The following YTHDC2 variants were observed in gnomAD, a reference collection of about 807,000 sequenced individuals.
The protein encoded by YTHDC2 is 3'-5' RNA helicase YTHDC2.
A neutral mutation model predicts 174.9 loss-of-function variants in YTHDC2; 45 were observed. The ratio of observed to expected loss-of-function variants is 0.26; its 90% CI spans 0.20 to 0.33. YTHDC2 has a LOEUF of 0.33. Ranked by LOEUF, YTHDC2 falls within the 10% of genes least tolerant of loss-of-function variation. The probability of loss-of-function intolerance (pLI) is 1.00; values close to 1 mark genes in which losing one functional copy is unlikely to be tolerated. For synonymous variants in YTHDC2, 657 were observed against 574.5 expected, an observed-to-expected ratio of 1.14 and a Z score of -2.05; for missense variants, 1,650 against 1,723.7, an observed-to-expected ratio of 0.96 and a Z score of 0.76.
Position 113,542,321 on chromosome 5 carries a change from A to C in YTHDC2, c.1360-47A>C, listed in dbSNP as rs1580532624. ...GCCATCTTATGTTCTTTGCAAGCAA[A>C]TGTTAGGTAATTTATGATAATTTAT... On this transcript the variant is annotated intron_variant, in intron 9 of 29. Transcript: ENST00000161863. 10 of 1,590,188 alleles carry C rather than the reference A, an allele frequency of 6.3e-6. No homozygotes were observed. The East Asian group carries it at 2.2e-4, about 36-fold the overall frequency.
chr5:113,557,616 A>G (rs182407287), intron 17 of YTHDC2, among the ~76,000 whole-genome samples: 205 of 152,272 alleles, frequency 1.3e-3, no homozygotes, highest in South Asian at 3.1e-3. Flanking sequence ...CATCATAGTG[A>G]GACCTTGTCT....
At chr5:113,560,528 C>G (rs779361865) in intron 17 of YTHDC2, among the ~76,000 whole-genome samples, 1 of 152,104 alleles carries the variant, frequency 6.6e-6, no homozygotes, top group African/African-American at 2.4e-5. Context: ...ATTTCTATAT[C>G]TCTATCCCTA....
rs774886334 is a variant in YTHDC2 at position 113,592,070 on chromosome 5, A to G, written c.4104A>G (p.Val1368=). 1.6e-5 allele frequency: 26 copies of G among 1,612,984 alleles called. No individual in the cohort carries two copies. In the African/African-American group the frequency reaches 3.5e-4, roughly 22 times the overall value. Residue 1368 remains valine (V), a synonymous_variant, in exon 28 of 30, where the codon GTA becomes GTG. Coordinates refer to ENST00000161863, the MANE Select transcript of YTHDC2 (RefSeq NM_022828.5). ...QDWGSAGLGG[V]FKVEWIRKES... ...GGGGCTCTGCTGGACTAGGAGGAGTATTTAAGGTGGAGTGGATACGAAAAG... is the reference window on the plus strand; with the variant it reads ...GGGGCTCTGCTGGACTAGGAGGAGTGTTTAAGGTGGAGTGGATACGAAAAG...
intron 1 of YTHDC2, chr5:113,514,366 G>T: frequency 1.6e-6 from 1 of 641,432 alleles, no homozygotes; most frequent in Non-Finnish European, 2.9e-6. Context: ...GGGCGGTTAA[G>T]CCACCGTGTT....
At chr5:113,548,819 GT>G in intron 11 of YTHDC2, 135 bp from the exon 12 acceptor site, 1 of 1,135,242 alleles carries the variant, frequency 8.8e-7, no homozygotes, top group South Asian at 2.3e-5. Context: ...TGAATGACTT[GT>G]TTTTTAACTA....
In YTHDC2 at chr5:113,563,867, T is replaced by C. The variant is rs768843221; in HGVS notation, c.2451T>C (p.Asp817=). Reference sequence around the variant, plus strand: ...TGTCTCCTTTTACTTAGACAATAGATGCAATGGATACATGGGAAGATCTGA... The same window carrying C: ...TGTCTCCTTTTACTTAGACAATAGACGCAATGGATACATGGGAAGATCTGA... The part of the protein sequence containing the change: ...RNAVQMLKTI[D]AMDTWEDLTE... The change falls in exon 20 of 30, where the codon GAT becomes GAC. Residue 817 remains aspartate (D), a synonymous_variant. Coordinates refer to ENST00000161863, the MANE Select transcript of YTHDC2 (RefSeq NM_022828.5). 1.7e-5 allele frequency: 27 copies of C among 1,614,062 alleles called. No individual in the cohort carries two copies. The highest frequency in any genetic ancestry group is 2.1e-5 in the Non-Finnish European group (25 of 1,180,034).
intron 4 of YTHDC2, among the ~76,000 whole-genome samples, chr5:113,529,647 CTGTT>C (rs1443121545): frequency 6.6e-6 from 1 of 151,896 alleles, no homozygotes; most frequent in Non-Finnish European, 1.5e-5. Flanking sequence ...TGCCTCTTAT[CTGTT>C]TATCTTCTAT....
chr5:113,530,272 T>C (rs1228591606), intron 4 of YTHDC2, among the ~76,000 whole-genome samples: 3 of 152,198 alleles, frequency 2.0e-5, no homozygotes, highest in African/African-American at 7.2e-5. Context: ...CCCTACCCAA[T>C]TTAAGAGGCT....
At chr5:113,530,840 T>TA (rs1005821064) in intron 4 of YTHDC2, among the ~76,000 whole-genome samples, 16 of 152,050 alleles carry the variant, frequency 1.1e-4, no homozygotes, top group Admixed American at 3.3e-4. Context: ...GTAAAGAACT[T>TA]AAAAAAAACA....
At chr5:113,551,930 A>G (rs1776276613) in intron 12 of YTHDC2, among the ~76,000 whole-genome samples, 1 of 152,164 alleles carries the variant, frequency 6.6e-6, no homozygotes, top group Admixed American at 6.6e-5. Flanking sequence ...TTTTACATAT[A>G]AGATGAAGAA....
chr5:113,517,327 G>A (rs1434104617), intron 2 of YTHDC2, among the ~76,000 whole-genome samples: 1 of 152,178 alleles, frequency 6.6e-6, no homozygotes, highest in Non-Finnish European at 1.5e-5. Context: ...TTGGGCCTGT[G>A]CTTGGAAACA....
chr5:113,540,498 A>T (rs373096917), intron 8 of YTHDC2, among the ~76,000 whole-genome samples: 4 of 152,312 alleles, frequency 2.6e-5, no homozygotes, highest in African/African-American at 9.6e-5. Context: ...ATGGCTGGGG[A>T]GGCCTCAGGA....
chr5:113,557,946 G>A (rs1561670643), intron 17 of YTHDC2, among the ~76,000 whole-genome samples: 1 of 152,218 alleles, frequency 6.6e-6, no homozygotes. Flanking sequence ...TAGCCTGATA[G>A]GTAAAGCTGG....
intron 7 of YTHDC2, among the ~76,000 whole-genome samples, chr5:113,538,804 A>G (rs934643424): frequency 7.2e-5 from 11 of 152,128 alleles, no homozygotes; most frequent in African/African-American, 2.2e-4. Flanking sequence ...TCCTCTTACA[A>G]TTTCTACTTA....
intron 23 of YTHDC2, among the ~76,000 whole-genome samples, chr5:113,577,659 C>T (rs13359652): frequency 0.34 from 51,109 of 152,046 alleles, 11,105 homozygotes; most frequent in African/African-American, 0.6. Context: ...CGTGAGCCAC[C>T]GCACCTGGCC....
chr5:113,585,380 G>A (rs754717668), intron 26 of YTHDC2, among the ~76,000 whole-genome samples: 5 of 152,176 alleles, frequency 3.3e-5, no homozygotes, highest in African/African-American at 9.6e-5. Context: ...GTATTTTGGC[G>A]AATGTGCCTG....
intron 12 of YTHDC2, among the ~76,000 whole-genome samples, chr5:113,551,183 A>T (rs1580557417): frequency 6.6e-6 from 1 of 152,018 alleles, no homozygotes; most frequent in Non-Finnish European, 1.5e-5. Flanking sequence ...TGGTAGGTTT[A>T]GTTGTCATTT....
At position 113,567,209 on chromosome 5, in the gene YTHDC2, A is replaced by G. The variant is rs763783717; in HGVS notation, c.2960A>G (p.Asp987Gly). 1.2e-6 allele frequency: 2 copies of G among 1,613,810 alleles called. No individual in the cohort carries two copies. The highest frequency in any genetic ancestry group is 1.7e-6 in the Non-Finnish European group (2 of 1,179,902). The change falls in exon 22 of 30, where the codon GAC (aspartate) becomes GGC (glycine). Residue 987 changes from aspartate to glycine, a missense_variant. By Grantham distance (94) the Asp-to-Gly change is moderately conservative (BLOSUM62 -1). Transcript: ENST00000161863. ...AGMYPNLVHVDRENLVLTGPK... is the reference protein window; with the variant it reads ...AGMYPNLVHVGRENLVLTGPK... ...ATGTATCCTAATTTAGTCCACGTGG[A>G]CAGAGAGAATCTAGTGTTGACAGGG...
intron 8 of YTHDC2, among the ~76,000 whole-genome samples, chr5:113,539,738 C>G (rs1339880326): frequency 6.6e-6 from 1 of 152,094 alleles, no homozygotes. Flanking sequence ...TGGCTTCAAG[C>G]TTTGATACCT....
Sources: allele counts gnomAD v4.1 joint callset (sites outside exome capture counted in the v4.1 genomes callset), GRCh38; gene constraint gnomAD v4.1.1; transcripts MANE v1.5; gene names NCBI Gene and HGNC (gene_info 2026-07-23, HGNC 2026-07-21).